ACBD6: variants seen among roughly 807,000 people sequenced by gnomAD.
ACBD6 encodes the protein acyl-CoA-binding domain-containing protein 6.
ACBD6 carries 28 observed loss-of-function variants against 37.2 expected under a neutral mutation model. The observed-to-expected ratio is 0.75, with a 90% CI of 0.56 to 1.03. The LOEUF is 1.03. ACBD6 is among the 50% of genes least tolerant of loss of function. The pLI, the probability that ACBD6 is intolerant of heterozygous loss-of-function variation, is 0.00. For missense variants in ACBD6, 340 were observed against 337.4 expected, an observed-to-expected ratio of 1.01 and a Z score of -0.06; for synonymous variants, 113 against 126.8, an observed-to-expected ratio of 0.89 and a Z score of 0.73.
intron 6 of ACBD6, among the ~76,000 whole-genome samples, chr1:180,333,403 A>G (rs1651565320): frequency 6.6e-6 from 1 of 152,224 alleles, no homozygotes; most frequent in African/African-American, 2.4e-5. Flanking sequence ...GCTCATGACA[A>G]TGAGTATGAA....
intron 3 of ACBD6, among the ~76,000 whole-genome samples, chr1:180,487,704 A>T (rs903098858): frequency 2.0e-5 from 3 of 152,176 alleles, no homozygotes; most frequent in Non-Finnish European, 4.4e-5. Flanking sequence ...GAAAGAAAAA[A>T]ATCATATGCT....
chr1:180,328,120 T>A (rs574685662), intron 6 of ACBD6, among the ~76,000 whole-genome samples: 1 of 152,298 alleles, frequency 6.6e-6, no homozygotes, highest in South Asian at 2.1e-4. Flanking sequence ...CTGGTAACAC[T>A]GCTGTTTCTT....
intron 6 of ACBD6, among the ~76,000 whole-genome samples, chr1:180,394,467 T>C (rs1654190271): frequency 6.6e-6 from 1 of 152,062 alleles, no homozygotes; most frequent in Non-Finnish European, 1.5e-5. Flanking sequence ...AAAAATGACT[T>C]TGAAATTTAC....
intron 5 of ACBD6, among the ~76,000 whole-genome samples, chr1:180,413,131 G>A (rs1179945206): frequency 6.6e-6 from 1 of 152,160 alleles, no homozygotes; most frequent in African/African-American, 2.4e-5. Context: ...ACATATGGAA[G>A]CTATCAGACT....
intron 5 of ACBD6, among the ~76,000 whole-genome samples, chr1:180,407,182 G>A (rs536792041): frequency 6.6e-6 from 1 of 152,304 alleles, no homozygotes; most frequent in South Asian, 2.1e-4. Context: ...GAATTGTCAT[G>A]GCTGAGAGGG....
rs1648492601 is a variant in ACBD6 at position 180,424,248 on chromosome 1, C to T, written c.467+5932G>A. On this transcript the variant is annotated intron_variant, in intron 4 of 7. Transcript: ENST00000367595. ...TCTGTAAAAAAAAGAATATTAATAG[C>T]ATCTATATTTAATAGGGTCATCCTA... is the stretch of plus-strand genomic sequence containing the variant. Among the ~76,000 whole-genome samples the T allele has an allele frequency of 4.6e-5, 7 of 152,052 alleles. No individual in the cohort carries two copies. The South Asian group carries it at 1.0e-3, about 23-fold the overall frequency.
intron 3 of ACBD6, among the ~76,000 whole-genome samples, chr1:180,488,490 A>T (rs1380852483): frequency 6.6e-6 from 1 of 152,190 alleles, no homozygotes; most frequent in Non-Finnish European, 1.5e-5. Flanking sequence ...TTCCAATATC[A>T]GCTGTAGAAC....
At chr1:180,355,629 C>T (rs924652425) in intron 6 of ACBD6, among the ~76,000 whole-genome samples, 6 of 152,002 alleles carry the variant, frequency 3.9e-5, no homozygotes, top group African/African-American at 1.5e-4. Context: ...CTATATATAT[C>T]TCTGGTTCTT....
At chr1:180,359,844 T>C (rs1239213165) in intron 6 of ACBD6, among the ~76,000 whole-genome samples, 2 of 152,222 alleles carry the variant, frequency 1.3e-5, no homozygotes, top group Non-Finnish European at 2.9e-5. Flanking sequence ...GATGAATAAA[T>C]GGCATGTAAC....
At chr1:180,423,850 G>A (rs560222970) in intron 4 of ACBD6, among the ~76,000 whole-genome samples, 5 of 152,128 alleles carry the variant, frequency 3.3e-5, no homozygotes, top group Admixed American at 6.5e-5. Flanking sequence ...GCACAGATCC[G>A]CTTTCCTAAA....
intron 3 of ACBD6, among the ~76,000 whole-genome samples, chr1:180,486,219 T>C (rs987035629): frequency 5.9e-5 from 9 of 152,158 alleles, no homozygotes; most frequent in Admixed American, 5.9e-4. Flanking sequence ...TCAATCCCCA[T>C]AGTTCAGTGC....
At chr1:180,459,170 T>G (rs1183154581) in intron 3 of ACBD6, among the ~76,000 whole-genome samples, 1 of 152,186 alleles carries the variant, frequency 6.6e-6, no homozygotes, top group Non-Finnish European at 1.5e-5. Flanking sequence ...ACTTAAAATA[T>G]TCCCGTTATT....
intron 7 of ACBD6, among the ~76,000 whole-genome samples, chr1:180,292,693 C>G (rs6695995): frequency 6.6e-6 from 1 of 151,386 alleles, no homozygotes; most frequent in Non-Finnish European, 1.5e-5. Context: ...TTTATTTCTT[C>G]TTTTTAAATC....
intron 6 of ACBD6, among the ~76,000 whole-genome samples, chr1:180,345,385 A>ATG (rs1218970959): frequency 6.6e-6 from 1 of 152,236 alleles, no homozygotes; most frequent in Non-Finnish European, 1.5e-5. Flanking sequence ...AGAAGGTGCT[A>ATG]TGAAATAGGC....
At chr1:180,368,034 C>T (rs536203049) in intron 6 of ACBD6, among the ~76,000 whole-genome samples, 93 of 152,292 alleles carry the variant, frequency 6.1e-4, no homozygotes, top group Admixed American at 2.0e-3. Flanking sequence ...CCCTGTTCTC[C>T]ACAACCTTGC....
intron 6 of ACBD6, among the ~76,000 whole-genome samples, chr1:180,375,365 A>T (rs7538675): frequency 1.6e-4 from 25 of 152,130 alleles, no homozygotes; most frequent in African/African-American, 5.3e-4. Context: ...GGTCTCTGTC[A>T]CCCAGGCTGG....
At chr1:180,333,448 C>T (rs2794978) in intron 6 of ACBD6, among the ~76,000 whole-genome samples, 30,519 of 152,108 alleles carry the variant, frequency 0.2, 4,233 homozygotes, top group African/African-American at 0.4. Flanking sequence ...ATAAAATAAT[C>T]CTGACCTCAT....
At position 180,333,382 on chromosome 1, in the gene ACBD6, T is replaced by C. The variant is rs999096405; in HGVS notation, c.664-18660A>G. Among the ~76,000 whole-genome samples, 2 of 152,332 alleles carry C rather than the reference T, an allele frequency of 1.3e-5. 1 individual carries two copies. Among genetic ancestry groups the C allele is most frequent in the South Asian group, 4.1e-4 (2 of 4,832 alleles). On this transcript the variant is annotated intron_variant, in intron 6 of 7. Coordinates refer to ENST00000367595, the MANE Select transcript of ACBD6 (RefSeq NM_032360.4). ...CACAAGTGATATAGCTTTTGAAATA[T>C]GCTATTGCATGCTCATGACAATGAG...
intron 3 of ACBD6, among the ~76,000 whole-genome samples, chr1:180,483,942 G>GA (rs1478791839): frequency 3.9e-5 from 6 of 151,988 alleles, no homozygotes; most frequent in Non-Finnish European, 7.4e-5. Flanking sequence ...CGGGAATTAT[G>GA]AAAAAATACC....
Sources: allele counts gnomAD v4.1 joint callset (sites outside exome capture counted in the v4.1 genomes callset), GRCh38; gene constraint gnomAD v4.1.1; transcripts MANE v1.5; gene names NCBI Gene and HGNC (gene_info 2026-07-23, HGNC 2026-07-21).